PHACTR4: variants seen among roughly 807,000 people sequenced by gnomAD.
PHACTR4 encodes the protein phosphatase and actin regulator 4.
Under a neutral mutation model 72.7 loss-of-function variants are expected in PHACTR4, and 51 were observed. The observed-to-expected ratio is 0.70, with a 90% confidence interval of 0.56 to 0.89. The LOEUF (loss-of-function observed/expected upper bound fraction) is 0.89. Ranked by LOEUF, PHACTR4 falls within the 40% of genes least tolerant of loss-of-function variation. PHACTR4 has a pLI of 0.00. For missense variants in PHACTR4, 731 were observed against 861.8 expected, an observed-to-expected ratio of 0.85 and a Z score of 1.90; for synonymous variants, 255 against 302.5, an observed-to-expected ratio of 0.84 and a Z score of 1.63.
intron 2 of PHACTR4, among the ~76,000 whole-genome samples, chr1:28,436,761 C>G (rs1557812737): frequency 6.6e-6 from 1 of 152,054 alleles, no homozygotes; most frequent in Non-Finnish European, 1.5e-5. Context: ...TATTTATGTA[C>G]TTGGCTATAT....
In PHACTR4 at chr1:28,376,455, ACAGGCATGCACCAC is replaced by A. The variant is rs570166962; in HGVS notation, c.-39+6633_-39+6646del. Among the ~76,000 whole-genome samples, 567 of 150,752 alleles carry A rather than the reference ACAGGCATGCACCAC, an allele frequency of 3.8e-3. 2 individuals are homozygous for A. The highest frequency in any genetic ancestry group is 0.013 in the African/African-American group (540 of 41,134). ...CTCAACCCCCTGAGTAACTGGGACT[ACAGGCATGCACCAC>A]CATGCCTGGCTAATTTTTTCTTTTT... On this transcript the variant is annotated intron_variant, in intron 1 of 13. Coordinates refer to ENST00000373839, the MANE Select transcript of PHACTR4 (RefSeq NM_001048183.3).
chr1:28,371,584 C>T (rs181811781), intron 1 of PHACTR4, among the ~76,000 whole-genome samples: 2 of 152,014 alleles, frequency 1.3e-5, no homozygotes, highest in Admixed American at 6.6e-5. Flanking sequence ...CGTGAGCCAC[C>T]GTGCCTGGCC....
At chr1:28,456,257 G>A (rs560206380) in intron 2 of PHACTR4, among the ~76,000 whole-genome samples, 1 of 152,138 alleles carries the variant, frequency 6.6e-6, no homozygotes, top group Non-Finnish European at 1.5e-5. Flanking sequence ...AGCATGTCAC[G>A]TGACCAGAGC....
intron 4 of PHACTR4, among the ~76,000 whole-genome samples, chr1:28,463,054 G>C (rs1333432218): frequency 6.6e-6 from 1 of 152,084 alleles, no homozygotes; most frequent in Non-Finnish European, 1.5e-5. Context: ...TTTTAAATTA[G>C]CCAGGTATGG....
chr1:28,481,351 A>C (rs1267287449), intron 9 of PHACTR4: 1 of 152,254 alleles, frequency 6.6e-6, no homozygotes, highest in East Asian at 1.9e-4. Context: ...ATTTTAAAAA[A>C]TACATATTGG....
chr1:28,492,931 A>T, intron 12 of PHACTR4, 84 bp from the exon 13 acceptor site: 2 of 1,240,858 alleles, frequency 1.6e-6, no homozygotes, highest in South Asian at 1.2e-5. Flanking sequence ...TTACAAAGTT[A>T]AACACAGTAC....
At chr1:28,424,551 C>G (rs1185184486) in intron 2 of PHACTR4, among the ~76,000 whole-genome samples, 5 of 151,650 alleles carry the variant, frequency 3.3e-5, no homozygotes, top group Non-Finnish European at 5.9e-5. Context: ...TGCAGTGGCA[C>G]CATCTCAGCT....
intron 8 of PHACTR4, among the ~76,000 whole-genome samples, chr1:28,477,923 A>G (rs1055911490): frequency 6.6e-6 from 1 of 151,946 alleles, no homozygotes; most frequent in African/African-American, 2.4e-5. Context: ...TGTGAGCTCA[A>G]AGTGATCTGC....
chr1:28,416,886 T>G (rs954025197), intron 2 of PHACTR4, among the ~76,000 whole-genome samples: 2 of 152,334 alleles, frequency 1.3e-5, no homozygotes, highest in African/African-American at 4.8e-5. Context: ...AAATCTTTGC[T>G]TAACCAAAGA....
intron 8 of PHACTR4, among the ~76,000 whole-genome samples, chr1:28,477,352 A>G (rs1659992520): frequency 6.6e-6 from 1 of 151,564 alleles, no homozygotes; most frequent in Non-Finnish European, 1.5e-5. Flanking sequence ...TGCTGAGATT[A>G]TAGGTGTGAG....
intron 2 of PHACTR4, among the ~76,000 whole-genome samples, chr1:28,424,503 T>TA (rs1180078052): frequency 1.3e-5 from 2 of 151,724 alleles, no homozygotes; most frequent in African/African-American, 4.9e-5. Flanking sequence ...TATTTATTAT[T>TA]TTTTTTAGTC....
intron 2 of PHACTR4, among the ~76,000 whole-genome samples, chr1:28,431,594 C>T (rs1274962358): frequency 5.3e-5 from 8 of 152,074 alleles, no homozygotes; most frequent in Non-Finnish European, 1.2e-4. Flanking sequence ...TGATCTCAGT[C>T]TGTCTTTAGT....
chr1:28,445,929 A>G (rs1657436624), intron 2 of PHACTR4, among the ~76,000 whole-genome samples: 2 of 152,166 alleles, frequency 1.3e-5, no homozygotes, highest in Admixed American at 1.3e-4. Context: ...ATATATTATC[A>G]CTTAGAGGCA....
At chr1:28,396,725 C>A (rs1653531335) in intron 1 of PHACTR4, among the ~76,000 whole-genome samples, 1 of 149,376 alleles carries the variant, frequency 6.7e-6, no homozygotes, top group Non-Finnish European at 1.5e-5. Context: ...ATGGCGCAAT[C>A]TCGGCTCACT....
intron 1 of PHACTR4, among the ~76,000 whole-genome samples, chr1:28,390,959 T>G (rs61783803): frequency 0.38 from 57,316 of 149,956 alleles, 12,629 homozygotes; most frequent in African/African-American, 0.6. Context: ...GCTGGGTGTG[T>G]TGGTGTGCAC....
Position 28,465,509 on chromosome 1 carries a change from G to A in PHACTR4, c.272-176G>A, listed in dbSNP as rs549331670. 1.1e-3 allele frequency among the ~76,000 whole-genome samples: 169 copies of A among 152,154 alleles called. 1 individual carries two copies. Among genetic ancestry groups the A allele is most frequent in the African/African-American group, 3.7e-3 (154 of 41,516 alleles). ...TTCATGCCATTTATCCTAGCACTTC[G>A]GGAGACCAAGGCGGGCTGATTGCTT... On this transcript the variant is annotated intron_variant, in intron 4 of 13. Coordinates refer to ENST00000373839, the MANE Select transcript of PHACTR4 (RefSeq NM_001048183.3).
At chr1:28,478,588 T>C (rs1243625696) in intron 8 of PHACTR4, among the ~76,000 whole-genome samples, 1 of 152,128 alleles carries the variant, frequency 6.6e-6, no homozygotes, top group Non-Finnish European at 1.5e-5. Context: ...TGTATCACCA[T>C]GCCCAGCTCA....
intron 1 of PHACTR4, among the ~76,000 whole-genome samples, chr1:28,392,052 C>G (rs1405460498): frequency 2.0e-5 from 3 of 152,152 alleles, no homozygotes; most frequent in South Asian, 2.1e-4. Flanking sequence ...TAGCGCTCCC[C>G]CTTATCCACA....
intron 2 of PHACTR4, chr1:28,457,292 C>T (rs1422017637): frequency 2.2e-6 from 1 of 446,100 alleles, no homozygotes; most frequent in African/African-American, 2.0e-5. Context: ...TTTGAAAATA[C>T]CTAGTTTTAA....
Sources: allele counts gnomAD v4.1 joint callset (sites outside exome capture counted in the v4.1 genomes callset), GRCh38; gene constraint gnomAD v4.1.1; transcripts MANE v1.5; gene names NCBI Gene and HGNC (gene_info 2026-07-23, HGNC 2026-07-21).